The following DOCK1 variants were observed in gnomAD, a reference collection of about 807,000 sequenced individuals.
DOCK1 encodes dedicator of cytokinesis 1, also known as dedicator of cytokinesis protein 1.
Under a neutral mutation model 262.7 loss-of-function variants are expected in DOCK1, and 138 were observed. The observed-to-expected ratio is 0.53, with a 90% confidence interval of 0.46 to 0.61. The LOEUF (loss-of-function observed/expected upper bound fraction) is 0.61, where lower values mean the gene tolerates loss of function less well. DOCK1 is among the 20% of genes least tolerant of loss of function. DOCK1 has a pLI of 0.00. For synonymous variants in DOCK1, 866 were observed against 867.4 expected (o/e 1.00, Z 0.03); for missense variants, 1,908 against 2,370.7 (o/e 0.80, Z 4.05).
At chr10:127,444,090 G>C (rs180681566) in intron 49 of DOCK1, 36 bp from the exon 50 acceptor site, 1 of 1,550,630 alleles carries the variant, frequency 6.4e-7, no homozygotes, top group Admixed American at 2.0e-5. Context: ...GCCCATAACA[G>C]ACCGTAACTG....
intron 38 of DOCK1, among the ~76,000 whole-genome samples, chr10:127,385,493 C>T (rs2066060689): frequency 6.6e-6 from 1 of 151,718 alleles, no homozygotes; most frequent in Non-Finnish European, 1.5e-5. Flanking sequence ...GACATTGGAA[C>T]TCCTTCTTTG....
intron 29 of DOCK1, among the ~76,000 whole-genome samples, chr10:127,275,665 G>A (rs768339292): frequency 1.2e-4 from 19 of 152,098 alleles, no homozygotes; most frequent in Admixed American, 7.2e-4. Context: ...TGAAAGGGAT[G>A]GTACAGGAGG....
At chr10:127,427,550 G>A (rs1323009896) in intron 47 of DOCK1, among the ~76,000 whole-genome samples, 1 of 152,156 alleles carries the variant, frequency 6.6e-6, no homozygotes, top group Non-Finnish European at 1.5e-5. Context: ...TTACAGTCAA[G>A]GAAACAGGGA....
chr10:127,049,093 C>T (rs1458948819), intron 21 of DOCK1, among the ~76,000 whole-genome samples: 3 of 152,110 alleles, frequency 2.0e-5, no homozygotes, highest in Non-Finnish European at 2.9e-5. Flanking sequence ...CCTCCTGAAT[C>T]TATTTTATAA....
chr10:126,911,346 G>C (rs2031729081), intron 1 of DOCK1, among the ~76,000 whole-genome samples: 1 of 152,202 alleles, frequency 6.6e-6, no homozygotes, highest in East Asian at 1.9e-4. Context: ...GCCCACCCAG[G>C]GGGTGCTGGT....
At chr10:126,978,116 T>C (rs1233561738) in intron 3 of DOCK1, 128 bp downstream of exon 3, 18 of 906,626 alleles carry the variant, frequency 2.0e-5, no homozygotes, top group African/African-American at 3.3e-5. Context: ...TAAAAAAATA[T>C]ATGGGTAGGA....
intron 27 of DOCK1, among the ~76,000 whole-genome samples, chr10:127,234,937 T>C (rs1365427441): frequency 6.7e-6 from 1 of 148,250 alleles, no homozygotes; most frequent in Non-Finnish European, 1.5e-5. Flanking sequence ...TTTATACATA[T>C]AAAGTATATG....
At chr10:127,075,785 C>T (rs568365980) in intron 23 of DOCK1, among the ~76,000 whole-genome samples, 7 of 152,096 alleles carry the variant, frequency 4.6e-5, no homozygotes, top group Non-Finnish European at 8.8e-5. Context: ...GCCGCTCACC[C>T]GACACGTGGG....
At chr10:126,990,671 A>G (rs1294694941) in intron 6 of DOCK1, 68 bp downstream of exon 6, 2 of 1,515,682 alleles carry the variant, frequency 1.3e-6, no homozygotes, top group Non-Finnish European at 8.9e-7. Flanking sequence ...ATAAGTCTTC[A>G]GGAGACCAAG....
At chr10:127,410,411 G>A (rs536515380) in intron 42 of DOCK1, among the ~76,000 whole-genome samples, 14 of 152,318 alleles carry the variant, frequency 9.2e-5, no homozygotes, top group Non-Finnish European at 1.5e-4. Flanking sequence ...TACCCCGACC[G>A]CGGAGGCAGG....
At chr10:126,990,088 T>A (rs2134994889) in intron 5 of DOCK1, among the ~76,000 whole-genome samples, 1 of 152,292 alleles carries the variant, frequency 6.6e-6, no homozygotes, top group Admixed American at 6.5e-5. Flanking sequence ...CTCAGACTAA[T>A]TCCGGAGGAG....
chr10:127,264,220 T>TC (rs2060276547), intron 29 of DOCK1, among the ~76,000 whole-genome samples: 1 of 152,162 alleles, frequency 6.6e-6, no homozygotes, highest in Non-Finnish European at 1.5e-5. Flanking sequence ...GCTTCCCTAG[T>TC]CCTCCCTGCC....
At chr10:127,266,626 G>A (rs1224526951) in intron 29 of DOCK1, among the ~76,000 whole-genome samples, 2 of 152,200 alleles carry the variant, frequency 1.3e-5, no homozygotes, top group East Asian at 3.8e-4. Context: ...CTGGCATTAA[G>A]TGCCAGTGGA....
intron 46 of DOCK1, among the ~76,000 whole-genome samples, chr10:127,422,220 G>A (rs562988864): frequency 2.4e-3 from 308 of 129,404 alleles, no homozygotes; most frequent in Non-Finnish European, 3.8e-3. Flanking sequence ...AGCCTGGAGT[G>A]CAGTGGCGTG....
At chr10:127,200,640 G>A (rs1450802969) in intron 27 of DOCK1, among the ~76,000 whole-genome samples, 1 of 152,152 alleles carries the variant, frequency 6.6e-6, no homozygotes, top group Non-Finnish European at 1.5e-5. Context: ...CTCAGCTCAG[G>A]CAATCCACCC....
chr10:127,136,009 A>G (rs1351551476), intron 27 of DOCK1: 1 of 152,648 alleles, frequency 6.6e-6, no homozygotes, highest in Non-Finnish European at 1.5e-5. Context: ...TACAGGATCA[A>G]CTTCCTCATT....
intron 16 of DOCK1, among the ~76,000 whole-genome samples, chr10:127,026,849 A>G (rs773109870): frequency 3.0e-4 from 45 of 152,158 alleles, no homozygotes; most frequent in Non-Finnish European, 5.7e-4. Flanking sequence ...GGCTTTTCTC[A>G]TAGACATTTT....
intron 23 of DOCK1, among the ~76,000 whole-genome samples, chr10:127,103,315 C>T (rs1269075839): frequency 6.6e-6 from 1 of 152,160 alleles, no homozygotes; most frequent in Non-Finnish European, 1.5e-5. Context: ...CTCTGGGTTG[C>T]AGCAGAGAAA....
At chr10:127,121,809 T>C (rs932174901) in intron 25 of DOCK1, among the ~76,000 whole-genome samples, 2 of 152,192 alleles carry the variant, frequency 1.3e-5, no homozygotes, top group Non-Finnish European at 2.9e-5. Flanking sequence ...ATTATTGTTA[T>C]TAACAGCTAC....
Sources: allele counts gnomAD v4.1 joint callset (sites outside exome capture counted in the v4.1 genomes callset), GRCh38; gene constraint gnomAD v4.1.1; transcripts MANE v1.5; gene names NCBI Gene and HGNC (gene_info 2026-07-23, HGNC 2026-07-21).